Variants in BCORL1 observed in about 807,000 individuals in gnomAD.
BCORL1 encodes the protein BCL-6 corepressor-like protein 1.
BCORL1 carries 7 observed loss-of-function variants against 87.6 expected under a neutral mutation model. The observed-to-expected ratio is 0.08, with a 90% confidence interval of 0.05 to 0.15. The LOEUF (loss-of-function observed/expected upper bound fraction) is 0.15, where lower values mean the gene tolerates loss of function less well. BCORL1 is among the 10% of genes least tolerant of loss of function. The pLI is 1.00. For synonymous variants in BCORL1, 591 were observed against 634.4 expected (o/e 0.93, Z 1.03); for missense variants, 1,215 against 1,499.7 (o/e 0.81, Z 3.13).
intron 1 of BCORL1, among the ~76,000 whole-genome samples, chrX:130,002,098 C>A (rs760917101): frequency 9.1e-6 from 1 of 109,351 alleles, no homozygotes; most frequent in African/African-American, 3.3e-5. Flanking sequence ...GATGACAAGG[C>A]GGAAATTTCC....
intron 1 of BCORL1, among the ~76,000 whole-genome samples, chrX:129,984,351 T>G (rs866578196): frequency 0.012 from 307 of 26,683 alleles, no homozygotes; most frequent in African/African-American, 0.013. Flanking sequence ...GGCGGGGGGG[T>G]GGAGCCCCCG....
chrX:129,993,578 C>T (rs1337025392), intron 1 of BCORL1, among the ~76,000 whole-genome samples: 2 of 110,777 alleles, frequency 1.8e-5, no homozygotes, highest in African/African-American at 3.3e-5. Flanking sequence ...GTCCCAGCTG[C>T]TTGAGAGGCT....
intron 1 of BCORL1, among the ~76,000 whole-genome samples, chrX:129,990,949 T>G (rs574411364): frequency 1.3e-4 from 14 of 111,472 alleles, no homozygotes; most frequent in South Asian, 3.8e-4. Context: ...TTGATTGATT[T>G]ATTTGAAACC....
chrX:129,982,023 G>A (rs1054425482), upstream of BCORL1, among the ~76,000 whole-genome samples: 74 of 110,045 alleles, frequency 6.7e-4, no homozygotes, highest in African/African-American at 2.3e-3. Flanking sequence ...TCTGTTCTCC[G>A]CTGCCCGGCA....
intron 1 of BCORL1, among the ~76,000 whole-genome samples, chrX:129,995,565 C>T (rs745857860): frequency 1.6e-4 from 18 of 110,658 alleles, no homozygotes; most frequent in African/African-American, 5.9e-4. Flanking sequence ...CTCAGCCTCC[C>T]GAGTAGCTGG....
At chrX:130,009,014 A>G (rs913979422) in intron 2 of BCORL1, among the ~76,000 whole-genome samples, 2 of 112,181 alleles carry the variant, frequency 1.8e-5, no homozygotes, top group Admixed American at 1.9e-4. Flanking sequence ...GTGCCCTAGA[A>G]TTGCATGTCC....
intron 13 of BCORL1, among the ~76,000 whole-genome samples, chrX:130,055,309 A>G (rs1453395094): frequency 8.9e-6 from 1 of 112,796 alleles, no homozygotes; most frequent in Admixed American, 9.4e-5. Context: ...AATGCATTCC[A>G]GAGCCAAAGA....
At chrX:130,026,165 T>C (rs1930233461) in intron 7 of BCORL1, among the ~76,000 whole-genome samples, 1 of 112,029 alleles carries the variant, frequency 8.9e-6, no homozygotes, top group Non-Finnish European at 1.9e-5. Flanking sequence ...AACACCTCTG[T>C]CTCTCACTCT....
intron 2 of BCORL1, among the ~76,000 whole-genome samples, chrX:130,006,870 G>A (rs1348276141): frequency 9.0e-6 from 1 of 111,608 alleles, no homozygotes; most frequent in Admixed American, 9.6e-5. Context: ...GCACTCGGCC[G>A]CCTCTCTCAT....
Position 130,014,511 on chromosome X carries a change from C to G in BCORL1, c.1739C>G (p.Pro580Arg), listed in dbSNP as rs973667109. 2.5e-6 allele frequency: 3 copies of G among 1,209,698 alleles called. No homozygotes were observed. Among genetic ancestry groups the G allele is most frequent in the Non-Finnish European group, 2.2e-6 (2 of 895,189 alleles). ...AGTGGGAGCTCAGCCCCACCGCACC[C>G]CGCCAAGATGCCCAGTGGCACCGAG... is the stretch of plus-strand genomic sequence containing the variant. The part of the protein sequence containing the change: ...APSGSSAPPH[P>R]AKMPSGTEQQ... Residue 580 changes from proline to arginine, a missense_variant, in exon 4 of 14, where the codon CCC becomes CGC. Coordinates refer to ENST00000540052, the MANE Select transcript of BCORL1 (RefSeq NM_001379451.1).
intron 11 of BCORL1, among the ~76,000 whole-genome samples, chrX:130,043,119 C>T (rs1427631208): frequency 9.5e-6 from 1 of 105,764 alleles, no homozygotes; most frequent in Non-Finnish European, 1.9e-5. Context: ...GCAACCTCTG[C>T]CTCCCAGGTT....
At chrX:129,993,656 C>T (rs1173144375) in intron 1 of BCORL1, among the ~76,000 whole-genome samples, 3 of 111,977 alleles carry the variant, frequency 2.7e-5, no homozygotes, top group African/African-American at 9.7e-5. Context: ...CGATTGTACT[C>T]CAGCCTGGGT....
rs1443766045 is a variant in BCORL1 at position 130,056,210 on chromosome X, C to CGA, written c.*76_*77dup. Reference sequence around the variant, plus strand: ...CCCCACCTCCTTGTCTTTCCCCGACCGAGCACCAGACTGCAGAATGAGGCA... The same window carrying CGA: ...CCCCACCTCCTTGTCTTTCCCCGACCGAGAGCACCAGACTGCAGAATGAGGCA... On this transcript the variant is annotated 3_prime_UTR_variant, in exon 14 of 14. Transcript: ENST00000540052. The CGA allele has an allele frequency of 6.4e-5, 65 of 1,021,593 alleles. No individual in the cohort carries two copies. Among genetic ancestry groups the CGA allele is most frequent in the Non-Finnish European group, 7.4e-5 (57 of 772,978 alleles). 84.2% of individuals were successfully genotyped at this position (1,021,593 alleles called of 1,213,427 possible). A position where few individuals can be genotyped will look rare whatever the true frequency, so the allele number is the denominator to read the frequency against.
chrX:130,050,684 T>A, intron 11 of BCORL1, 33 bp from the exon 12 acceptor site: 1 of 1,183,151 alleles, frequency 8.5e-7, no homozygotes, highest in Admixed American at 2.2e-5. Flanking sequence ...CAGCCTAACC[T>A]CCTTGTCTCA....
intron 11 of BCORL1, among the ~76,000 whole-genome samples, chrX:130,046,776 G>A (rs925672683): frequency 1.8e-5 from 2 of 110,712 alleles, no homozygotes; most frequent in Admixed American, 1.9e-4. Flanking sequence ...TTGATCTCCT[G>A]ACCTCGTGAT....
chrX:130,056,142 A>G lies in BCORL1; in HGVS notation c.*6A>G. ...TCCAGTCTTGCAACAGTTGACCGGG[A>G]AAACAGCCCCTCCTCTTCTTTCTCC... On this transcript the variant is annotated 3_prime_UTR_variant, in exon 14 of 14. Coordinates refer to ENST00000540052, the MANE Select transcript of BCORL1 (RefSeq NM_001379451.1). The G allele has an allele frequency of 3.4e-6, 4 of 1,159,600 alleles. No individual in the cohort carries two copies. The highest frequency in any genetic ancestry group is 4.6e-6 in the Non-Finnish European group (4 of 868,405).
intron 7 of BCORL1, 117 bp from the exon 8 acceptor site, chrX:130,028,518 A>G (rs1356882548): frequency 1.7e-6 from 1 of 584,007 alleles, no homozygotes; most frequent in Non-Finnish European, 2.8e-6. Context: ...TGATAGTTAT[A>G]CAACTTTGCA....
In BCORL1 at chrX:130,013,197, C is replaced by T; in HGVS notation, c.425C>T (p.Thr142Ile). The T allele has an allele frequency of 3.3e-6, 4 of 1,212,326 alleles. No homozygotes were observed. Among genetic ancestry groups the T allele is most frequent in the Non-Finnish European group, 4.5e-6 (4 of 895,656 alleles). ...AACAGCAGGGCCGACTGCTCCTGGACTCCACTCAACACCCAAATGAGCAAA... is the reference window on the plus strand; with the variant it reads ...AACAGCAGGGCCGACTGCTCCTGGATTCCACTCAACACCCAAATGAGCAAA... ...ASNSRADCSW[T>I]PLNTQMSKQV... Residue 142 changes from threonine to isoleucine, a missense_variant, in exon 4 of 14, where the codon ACT becomes ATT. Transcript: ENST00000540052.
chrX:130,006,185 C>T (rs1928472867), intron 2 of BCORL1, among the ~76,000 whole-genome samples: 1 of 110,653 alleles, frequency 9.0e-6, no homozygotes, highest in African/African-American at 3.3e-5. Context: ...GTGACACCTG[C>T]CTCACGTGTG....
Sources: allele counts gnomAD v4.1 joint callset (sites outside exome capture counted in the v4.1 genomes callset), GRCh38; gene constraint gnomAD v4.1.1; transcripts MANE v1.5; gene names NCBI Gene and HGNC (gene_info 2026-07-23, HGNC 2026-07-21).